Variants in CDH13 observed in about 807,000 individuals in gnomAD.
The protein encoded by CDH13 is cadherin 13.
Under a neutral mutation model 63.8 loss-of-function variants are expected in CDH13, and 24 were observed. The ratio of observed to expected loss-of-function variants is 0.38; its 90% confidence interval spans 0.27 to 0.53. The LOEUF is 0.53. Among genes scored for constraint, CDH13 ranks in the 20% least tolerant of loss-of-function variants. The pLI is 0.85. For synonymous variants in CDH13, 503 were observed against 355.3 expected (o/e 1.42, Z -4.67); for missense variants, 1,049 against 903.1 (o/e 1.16, Z -2.07).
intron 1 of CDH13, among the ~76,000 whole-genome samples, chr16:82,820,946 CCTGCCTCTACCAATGAGGG>C (rs2037976695): frequency 6.6e-6 from 1 of 152,130 alleles, no homozygotes; most frequent in Non-Finnish European, 1.5e-5. Context: ...GTCTGTGGGA[CCTGCCTCTACCAATGAGGG>C]GTAGAGCTTG....
At chr16:83,730,421 T>G (rs772359959) in intron 10 of CDH13, among the ~76,000 whole-genome samples, 8 of 152,224 alleles carry the variant, frequency 5.3e-5, no homozygotes, top group Non-Finnish European at 8.8e-5. Context: ...TCAAAGAATA[T>G]GTACAGTTCC....
intron 5 of CDH13, among the ~76,000 whole-genome samples, chr16:83,312,113 CT>C (rs1360508138): frequency 3.0e-3 from 449 of 150,798 alleles, no homozygotes; most frequent in Non-Finnish European, 5.1e-3. Context: ...TGTGCCTCCA[CT>C]TTTTTGTCTA....
intron 7 of CDH13, among the ~76,000 whole-genome samples, chr16:83,541,247 GGTTTTAACAT>G (rs1200802800): frequency 6.6e-6 from 1 of 152,122 alleles, no homozygotes; most frequent in African/African-American, 2.4e-5. Context: ...TCCTTAGAAA[GGTTTTAACAT>G]GTCATAATAT....
intron 2 of CDH13, among the ~76,000 whole-genome samples, chr16:82,887,838 G>A (rs1301704211): frequency 6.6e-6 from 1 of 152,002 alleles, no homozygotes; most frequent in African/African-American, 2.4e-5. Context: ...AAAAAGAAAG[G>A]AGAAGAGTGT....
At chr16:83,792,760 C>T (rs1031750571) in intron 13 of CDH13, among the ~76,000 whole-genome samples, 6 of 152,098 alleles carry the variant, frequency 3.9e-5, no homozygotes, top group Non-Finnish European at 5.9e-5. Flanking sequence ...TGGCTTTTGC[C>T]CATTTAAAAC....
chr16:83,257,852 C>T (rs879739206), intron 5 of CDH13, among the ~76,000 whole-genome samples: 4 of 152,192 alleles, frequency 2.6e-5, no homozygotes, highest in Non-Finnish European at 5.9e-5. Context: ...ATACTATCTT[C>T]CACAATGGTT....
At chr16:83,245,118 C>CAAAA (rs34319502) in intron 5 of CDH13, among the ~76,000 whole-genome samples, 1 of 143,990 alleles carries the variant, frequency 6.9e-6, no homozygotes. Context: ...GGATAGTATG[C>CAAAA]AAAAAAAAAA....
chr16:82,808,989 G>A (rs1261038899), intron 1 of CDH13, among the ~76,000 whole-genome samples: 1 of 152,190 alleles, frequency 6.6e-6, no homozygotes, highest in South Asian at 2.1e-4. Flanking sequence ...GTAGATATGT[G>A]TATATGTATG....
rs547513493 is a variant in CDH13 at position 82,838,189 on chromosome 16, C to T, written c.46-20173C>T. On this transcript the variant is annotated intron_variant, in intron 1 of 13. Transcript: ENST00000567109. ...TTTTCATTGCAGATGCTTGCGTGTT[C>T]CCATCACTGAGTTCTAATTTCTCTA... 2.0e-5 allele frequency among the ~76,000 whole-genome samples: 3 copies of T among 152,314 alleles called. No individual in the cohort carries two copies. In the East Asian group the frequency reaches 5.8e-4, roughly 29 times the overall value.
chr16:82,752,503 G>A (rs1484302602), intron 1 of CDH13, among the ~76,000 whole-genome samples: 3 of 152,238 alleles, frequency 2.0e-5, no homozygotes, highest in African/African-American at 7.2e-5. Context: ...GTTCTTGATT[G>A]GTTGAGGCAA....
chr16:82,812,463 A>T (rs991016815), intron 1 of CDH13, among the ~76,000 whole-genome samples: 5 of 152,138 alleles, frequency 3.3e-5, no homozygotes, highest in African/African-American at 1.2e-4. Flanking sequence ...GGGAGCAGCC[A>T]CAAAGATAGG....
At chr16:83,149,178 G>A (rs1474076880) in intron 4 of CDH13, among the ~76,000 whole-genome samples, 1 of 152,158 alleles carries the variant, frequency 6.6e-6, no homozygotes, top group African/African-American at 2.4e-5. Flanking sequence ...GAAATATTCA[G>A]CAACTAATTT....
chr16:83,224,835 A>G (rs117072314), intron 5 of CDH13, among the ~76,000 whole-genome samples: 70 of 152,352 alleles, frequency 4.6e-4, no homozygotes, highest in Admixed American at 9.1e-4. Context: ...CACTCAGCCC[A>G]GTCACTTAGT....
intron 6 of CDH13, among the ~76,000 whole-genome samples, chr16:83,406,274 C>T (rs1466536044): frequency 6.6e-6 from 1 of 152,138 alleles, no homozygotes; most frequent in Non-Finnish European, 1.5e-5. Flanking sequence ...ATAGTTTTCT[C>T]CTTCCTTATC....
At chr16:83,606,663 A>T (rs1187763775) in intron 8 of CDH13, among the ~76,000 whole-genome samples, 1 of 149,124 alleles carries the variant, frequency 6.7e-6, no homozygotes, top group Non-Finnish European at 1.5e-5. Context: ...GAAGGTCAAG[A>T]CAGCAGTGAG....
intron 11 of CDH13, among the ~76,000 whole-genome samples, chr16:83,779,406 CAAAAAAA>C (rs144757645): frequency 2.8e-4 from 23 of 82,574 alleles, no homozygotes; most frequent in African/African-American, 1.2e-3. Flanking sequence ...GACTCCATCT[CAAAAAAA>C]AAAAAAAAAA....
intron 1 of CDH13, among the ~76,000 whole-genome samples, chr16:82,697,220 A>G (rs1056154516): frequency 1.3e-5 from 2 of 152,140 alleles, no homozygotes; most frequent in African/African-American, 4.8e-5. Context: ...AAACCACCAC[A>G]CTATGTCATC....
intron 1 of CDH13, among the ~76,000 whole-genome samples, chr16:82,682,294 G>T (rs9931356): frequency 2.7e-3 from 405 of 152,288 alleles, no homozygotes; most frequent in African/African-American, 9.3e-3. Flanking sequence ...CTGTCTAGGT[G>T]TGAGCCTTGG....
chr16:83,009,662 G>T (rs189481281), intron 2 of CDH13, among the ~76,000 whole-genome samples: 9 of 152,226 alleles, frequency 5.9e-5, no homozygotes, highest in Admixed American at 2.6e-4. Flanking sequence ...TTAAAAAATT[G>T]TATCTATTAG....
Sources: allele counts gnomAD v4.1 joint callset (sites outside exome capture counted in the v4.1 genomes callset), GRCh38; gene constraint gnomAD v4.1.1; transcripts MANE v1.5; gene names NCBI Gene and HGNC (gene_info 2026-07-23, HGNC 2026-07-21).